The following FAM186A variants were observed in gnomAD, a reference collection of about 807,000 sequenced individuals.
FAM186A encodes protein FAM186A.
FAM186A carries 163 observed loss-of-function variants against 216.8 expected under a neutral mutation model. The observed-to-expected ratio is 0.75, with a 90% CI of 0.66 to 0.86. The LOEUF is 0.86. Ranked by LOEUF, FAM186A falls within the 40% of genes least tolerant of loss-of-function variation. The pLI, the probability that FAM186A is intolerant of heterozygous loss-of-function variation, is 0.00. For missense variants in FAM186A, 2,184 were observed against 2,746.2 expected (o/e 0.80, Z 4.58); for synonymous variants, 805 against 1,025.3 (o/e 0.79, Z 4.10).
intron 1 of FAM186A, among the ~76,000 whole-genome samples, chr12:50,363,948 G>T (rs1427957783): frequency 2.6e-5 from 4 of 152,116 alleles, no homozygotes; most frequent in Non-Finnish European, 5.9e-5. Flanking sequence ...GGAAGAGAAA[G>T]AATTTTATCA....
chr12:50,331,484 C>T (rs1249938801), intron 6 of FAM186A, among the ~76,000 whole-genome samples, 186 bp downstream of exon 6: 2 of 152,160 alleles, frequency 1.3e-5, no homozygotes, highest in Non-Finnish European at 2.9e-5. Flanking sequence ...TCAGATGAGT[C>T]ACCTGCCTCG....
At chr12:50,379,273 T>C (rs1565895031) in intron 1 of FAM186A, among the ~76,000 whole-genome samples, 1 of 151,934 alleles carries the variant, frequency 6.6e-6, no homozygotes, top group Non-Finnish European at 1.5e-5. Context: ...ACCCCGTCTC[T>C]ACTAAAAATA....
At chr12:50,334,896 A>G (rs953276904) in intron 4 of FAM186A, among the ~76,000 whole-genome samples, 1 of 152,224 alleles carries the variant, frequency 6.6e-6, no homozygotes, top group Non-Finnish European at 1.5e-5. Flanking sequence ...CTATATGATT[A>G]TCAAAATTTT....
rs71083561 is a variant in FAM186A at position 50,394,732 on chromosome 12, C to CTTTTTT, written c.192+1555_192+1560dup. ...TGAGCCACTGTGCCTGGCTAACACT[C>CTTTTTT]TTTTTTTTTTTTTTTTTTTTTTTTT... On this transcript the variant is annotated intron_variant, in intron 1 of 7. Transcript: ENST00000327337. Among the ~76,000 whole-genome samples the CTTTTTT allele has an allele frequency of 5.4e-4, 16 of 29,408 alleles. 4 individuals are homozygous for CTTTTTT. Among genetic ancestry groups the CTTTTTT allele is most frequent in the African/African-American group, 2.0e-3 (13 of 6,444 alleles). 19.3% of individuals were successfully genotyped at this position (29,408 alleles called of 152,430 possible). A position where few individuals can be genotyped will look rare whatever the true frequency, so the allele number is the denominator to read the frequency against.
Position 50,352,991 on chromosome 12 carries a change from G to A in FAM186A, c.3841C>T (p.Pro1281Ser). The A allele has an allele frequency of 1.3e-6, 2 of 1,530,052 alleles. No homozygotes were observed. Among genetic ancestry groups the A allele is most frequent in the Non-Finnish European group, 1.8e-6 (2 of 1,135,712 alleles). 94.8% of individuals were successfully genotyped at this position (1,530,052 alleles called of 1,614,324 possible). The change falls in exon 4 of 8, where the codon CCT becomes TCT. Residue 1281 changes from proline (P) to serine (S), a missense_variant. Transcript: ENST00000327337. ...QAQALGITLT[P>S]KQAQELGIPL... ...ATCCCCAATTCCTGAGCCTGCTTAG[G>A]GGTGAGAGTGATCCCCAGGGCCTGG...
chr12:50,339,781 G>T (rs1464311924), intron 4 of FAM186A, among the ~76,000 whole-genome samples: 1 of 133,080 alleles, frequency 7.5e-6, no homozygotes, highest in African/African-American at 3.0e-5. Flanking sequence ...CACACACACA[G>T]AGCTTCTTCC....
chr12:50,356,844 C>T (rs1942982025), intron 3 of FAM186A, among the ~76,000 whole-genome samples: 1 of 152,050 alleles, frequency 6.6e-6, no homozygotes, highest in Non-Finnish European at 1.5e-5. Context: ...ACTAAAAATA[C>T]AAAAATTAGC....
In FAM186A at chr12:50,350,817, G is replaced by A. The variant is rs1324297607; in HGVS notation, c.6015C>T (p.Asp2005=). The change falls in exon 4 of 8, where the codon GAC becomes GAT. Residue 2005 remains aspartate, a synonymous_variant. Coordinates refer to ENST00000327337, the MANE Select transcript of FAM186A (RefSeq NM_001145475.3). ...DTSEETQILR[D]TFAIESFRTF... ...TTCTAAATGATTCTATAGCAAAAGT[G>A]TCTCGAAGTATCTGGGTTTCTTCGG... The A allele has an allele frequency of 6.4e-7, 1 of 1,551,658 alleles. No individual in the cohort carries two copies. Among genetic ancestry groups the A allele is most frequent in the East Asian group, 2.4e-5 (1 of 40,924 alleles).
At chr12:50,364,804 G>A (rs892094835) in intron 1 of FAM186A, among the ~76,000 whole-genome samples, 4 of 151,440 alleles carry the variant, frequency 2.6e-5, no homozygotes, top group Non-Finnish European at 2.9e-5. Context: ...CTGGGAGGCC[G>A]AGGTGGGTGG....
At position 50,355,880 on chromosome 12, in the gene FAM186A, G is replaced by T; in HGVS notation, c.952C>A (p.Gln318Lys). Reference protein sequence around the residue: ...DLSNENEMLQQKLQDAEEKCE... With the variant: ...DLSNENEMLQKKLQDAEEKCE... ...TTTTCTTCTGCATCTTGAAGTTTCT[G>T]CTGAAGCATTTCATTTTCGTTACTG... The change falls in exon 4 of 8, where the codon CAG becomes AAG. Residue 318 changes from glutamine (Q) to lysine (K), a missense_variant. Gln to Lys is a moderately conservative substitution (Grantham distance 53). This residue lies in a region of FAM186A where 1,132 missense variants were observed against 1,263.4 expected (regional missense o/e 0.90). Coordinates refer to ENST00000327337, the MANE Select transcript of FAM186A (RefSeq NM_001145475.3). 1 of 1,551,158 alleles carries T rather than the reference G, an allele frequency of 6.4e-7. No individual in the cohort carries two copies. Among genetic ancestry groups the T allele is most frequent in the East Asian group, 2.4e-5 (1 of 40,902 alleles).
Position 50,353,306 on chromosome 12 carries a change from C to G in FAM186A, c.3526G>C (p.Ala1176Pro), listed in dbSNP as rs1942930090. ...GTGAGAGGGATCCCCAGGGCCTGGG[C>G]CTGCTGAGGGGTAAGAGGGATCCCT... ...KLGIPLTPQQAQALGIPLTPQ... is the reference protein window; with the variant it reads ...KLGIPLTPQQPQALGIPLTPQ... Residue 1176 changes from alanine (A) to proline (P), a missense_variant, in exon 4 of 8, where the codon GCC becomes CCC. Coordinates refer to ENST00000327337, the MANE Select transcript of FAM186A (RefSeq NM_001145475.3). The G allele has an allele frequency of 1.3e-6, 2 of 1,543,590 alleles. No individual in the cohort carries two copies. The highest frequency in any genetic ancestry group is 1.2e-5 in the South Asian group (1 of 83,422).
rs1424820811 is a variant in FAM186A, at chr12:50,345,052, G to T, written c.6503+5277C>A. 1.3e-5 allele frequency among the ~76,000 whole-genome samples: 2 copies of T among 152,058 alleles called. 1 individual carries two copies. On this transcript the variant is annotated intron_variant, in intron 4 of 7. Coordinates refer to ENST00000327337, the MANE Select transcript of FAM186A (RefSeq NM_001145475.3). The stretch of plus-strand genomic sequence containing the variant: ...AGATCACCTGAAGTCAGGAGTTCGA[G>T]ACCAGCCTGACCAATATGATGAAAT...
intron 1 of FAM186A, among the ~76,000 whole-genome samples, chr12:50,371,712 T>G (rs1195640818): frequency 6.6e-6 from 1 of 152,218 alleles, no homozygotes; most frequent in Non-Finnish European, 1.5e-5. Context: ...GTTCTGACTT[T>G]GGTTGCAAAA....
At chr12:50,370,286 A>C (rs1943132058) in intron 1 of FAM186A, among the ~76,000 whole-genome samples, 1 of 151,964 alleles carries the variant, frequency 6.6e-6, no homozygotes, top group African/African-American at 2.4e-5. Flanking sequence ...CCTAGGCGAC[A>C]GAGTGACACT....
intron 1 of FAM186A, among the ~76,000 whole-genome samples, chr12:50,369,832 T>C (rs1303515682): frequency 6.6e-6 from 1 of 151,420 alleles, no homozygotes; most frequent in Non-Finnish European, 1.5e-5. Context: ...CTACTAAAAA[T>C]GCAAAATTTA....
At chr12:50,348,791 C>T (rs1423738845) in intron 4 of FAM186A, among the ~76,000 whole-genome samples, 1 of 151,732 alleles carries the variant, frequency 6.6e-6, no homozygotes, top group Admixed American at 6.6e-5. Context: ...CTCATGAACT[C>T]GTGATCCACC....
intron 3 of FAM186A, among the ~76,000 whole-genome samples, chr12:50,357,695 C>A (rs1942992275): frequency 6.6e-6 from 1 of 152,136 alleles, no homozygotes. Context: ...AACTACCGAA[C>A]CTCAGTAACA....
At position 50,356,208 on chromosome 12, in the gene FAM186A, A is replaced by G. The variant is rs891846036; in HGVS notation, c.624T>C (p.Val208=). ...CACGGGCTGTTGAAGGTCGTTTTATAACTCTTTCTTTCCAAGATTTCCATA... is the reference window on the plus strand; with the variant it reads ...CACGGGCTGTTGAAGGTCGTTTTATGACTCTTTCTTTCCAAGATTTCCATA... ...GTLWKSWKER[V]IKRPSTARAL... is the part of the protein sequence containing the mutation. Residue 208 remains valine (V), a synonymous_variant, in exon 4 of 8, where the codon GTT becomes GTC. Transcript: ENST00000327337. The G allele has an allele frequency of 2.6e-5, 40 of 1,550,598 alleles. No homozygotes were observed. In the Admixed American group the frequency reaches 7.5e-4, roughly 29 times the overall value.
At chr12:50,346,727 GT>G (rs1942822466) in intron 4 of FAM186A, among the ~76,000 whole-genome samples, 1 of 151,904 alleles carries the variant, frequency 6.6e-6, no homozygotes, top group South Asian at 2.1e-4. Flanking sequence ...GGCGCCTGTA[GT>G]CCCAGCTACT....
Sources: gnomAD v4.1 joint callset for allele counts (sites outside exome capture counted in the v4.1 genomes callset) on GRCh38, gnomAD v4.1.1 for gene constraint, gnomAD v4.1.1 regional missense constraint, MANE v1.5 for transcripts, NCBI Gene and HGNC (gene_info 2026-07-23, HGNC 2026-07-21) for gene names.